CDS1: variants seen among roughly 807,000 people sequenced by gnomAD.
CDS1 encodes CDP-diacylglycerol synthase 1, also known as phosphatidate cytidylyltransferase 1.
A neutral mutation model predicts 62.1 loss-of-function variants in CDS1; 41 were observed. The observed-to-expected ratio is 0.66, with a 90% CI of 0.51 to 0.86. The LOEUF (loss-of-function observed/expected upper bound fraction) is 0.86. Among genes scored for constraint, CDS1 ranks in the 40% least tolerant of loss-of-function variants. CDS1 has a pLI of 0.00. For synonymous variants in CDS1, 185 were observed against 192.6 expected, an observed-to-expected ratio of 0.96 and a Z score of 0.32; for missense variants, 470 against 550.1, an observed-to-expected ratio of 0.85 and a Z score of 1.46.
intron 7 of CDS1, among the ~76,000 whole-genome samples, chr4:84,634,908 A>G (rs1724130578): frequency 6.6e-6 from 1 of 152,212 alleles, no homozygotes; most frequent in South Asian, 2.1e-4. Context: ...TCATTTTCAT[A>G]TTAAAAGGCT....
chr4:84,586,605 A>G (rs1722431127), intron 1 of CDS1, among the ~76,000 whole-genome samples: 1 of 152,128 alleles, frequency 6.6e-6, no homozygotes, highest in Non-Finnish European at 1.5e-5. Context: ...CTCGCAGACC[A>G]CTCACCTGCT....
intron 5 of CDS1, among the ~76,000 whole-genome samples, chr4:84,623,905 G>A (rs1408948021): frequency 6.6e-6 from 1 of 152,000 alleles, no homozygotes; most frequent in Non-Finnish European, 1.5e-5. Context: ...CCCTCCATGT[G>A]GCTTGGATGG....
chr4:84,648,176 T>C (rs1176491128), intron 12 of CDS1, among the ~76,000 whole-genome samples: 1 of 152,214 alleles, frequency 6.6e-6, no homozygotes, highest in African/African-American at 2.4e-5. Flanking sequence ...TCATGCCCTC[T>C]TTTTGGTTTG....
intron 5 of CDS1, among the ~76,000 whole-genome samples, chr4:84,620,975 G>A (rs181813901): frequency 1.9e-3 from 282 of 152,224 alleles, no homozygotes; most frequent in African/African-American, 6.4e-3. Flanking sequence ...CGGGAGAATC[G>A]CTTGAACCCG....
In CDS1 at chr4:84,619,044, TACACAC is replaced by T. The variant is rs33991933; in HGVS notation, c.441-313_441-308del. On this transcript the variant is annotated intron_variant, in intron 4 of 12. Coordinates refer to ENST00000295887, the MANE Select transcript of CDS1 (RefSeq NM_001263.4). ...ACATACACACAAAGTATTAAATTTA[TACACAC>T]ACACACACACACACACACACACACA... 9.5e-3 allele frequency among the ~76,000 whole-genome samples: 1,334 copies of T among 140,982 alleles called. 23 individuals carry two copies. The highest frequency in any genetic ancestry group is 0.029 in the African/African-American group (1,134 of 38,674). The allele number at this position is 140,982 out of a possible 152,430, so 92.5% of individuals were successfully genotyped here.
intron 8 of CDS1, among the ~76,000 whole-genome samples, chr4:84,638,228 T>C (rs1560482598): frequency 1.3e-5 from 2 of 152,186 alleles, no homozygotes; most frequent in Admixed American, 1.3e-4. Flanking sequence ...TTTCTTTCCA[T>C]GAATGGTCCA....
intron 3 of CDS1, among the ~76,000 whole-genome samples, chr4:84,614,418 A>C (rs1024063706): frequency 5.9e-5 from 9 of 152,198 alleles, no homozygotes; most frequent in African/African-American, 1.9e-4. Context: ...AGTTATTCAA[A>C]TCATTGTGTT....
In CDS1 at chr4:84,648,560, C is replaced by T; in HGVS notation, c.1260C>T (p.Gly420=). Residue 420 remains glycine, a synonymous_variant, in exon 13 of 13, where the codon GGC becomes GGT. Transcript: ENST00000295887. ...CTTCTTTGCCTTTTATCATTAGGGG[C>T]CCAAATCCCAGCAAAGTGCTACAGC... ...VHVYITSFIR[G]PNPSKVLQQL... is the part of the protein sequence containing the mutation. 1 of 1,612,624 alleles carries T rather than the reference C, an allele frequency of 6.2e-7. No individual in the cohort carries two copies. Among genetic ancestry groups the T allele is most frequent in the African/African-American group, 1.3e-5 (1 of 74,970 alleles).
chr4:84,618,239 T>C (rs903211286), intron 4 of CDS1, among the ~76,000 whole-genome samples: 11 of 152,214 alleles, frequency 7.2e-5, no homozygotes, highest in African/African-American at 2.4e-4. Context: ...ATATAGTTGA[T>C]AAATATCAAC....
chr4:84,642,276 A>C (rs1724409433), intron 10 of CDS1, among the ~76,000 whole-genome samples: 1 of 151,400 alleles, frequency 6.6e-6, no homozygotes, highest in Admixed American at 6.6e-5. Context: ...CGGTGAGCCG[A>C]GATTGCACCA....
chr4:84,608,237 G>A (rs994677123), intron 2 of CDS1, among the ~76,000 whole-genome samples: 2 of 152,198 alleles, frequency 1.3e-5, no homozygotes, highest in African/African-American at 2.4e-5. Context: ...GCAGTGGCGC[G>A]ATCTTGGCTC....
At chr4:84,629,381 G>A in intron 5 of CDS1, among the ~76,000 whole-genome samples, 1 of 150,988 alleles carries the variant, frequency 6.6e-6, no homozygotes, top group East Asian at 1.9e-4. Flanking sequence ...AACCACAATG[G>A]ATGGTTGTGT....
intron 1 of CDS1, among the ~76,000 whole-genome samples, chr4:84,588,948 G>A (rs1280881821): frequency 1.3e-5 from 2 of 152,166 alleles, no homozygotes; most frequent in Non-Finnish European, 1.5e-5. Context: ...GGGAAGAGCT[G>A]TTATCATTTA....
In CDS1 at chr4:84,648,783, A is replaced by G. The variant is rs373479471; in HGVS notation, c.*97A>G. ...GTACAGAAAAATAGTTAAAAATGCA[A>G]TAGGTTGAAGTTTTGGAGATATGTT... On this transcript the variant is annotated 3_prime_UTR_variant, in exon 13 of 13. Transcript: ENST00000295887. 67 of 1,239,834 alleles carry G rather than the reference A, an allele frequency of 5.4e-5. No individual in the cohort carries two copies. The highest frequency in any genetic ancestry group is 4.2e-4 in the African/African-American group (28 of 65,986). 76.8% of individuals were successfully genotyped at this position (1,239,834 alleles called of 1,614,324 possible).
At chr4:84,609,091 A>G (rs1045943626) in intron 2 of CDS1, among the ~76,000 whole-genome samples, 2 of 149,848 alleles carry the variant, frequency 1.3e-5, no homozygotes, top group African/African-American at 4.9e-5. Context: ...AGGCAGGAGA[A>G]TGGCGTGAAC....
At chr4:84,583,882 C>T (rs541980443) in intron 1 of CDS1, among the ~76,000 whole-genome samples, 3 of 152,180 alleles carry the variant, frequency 2.0e-5, no homozygotes, top group African/African-American at 4.8e-5. Context: ...TGCCACCTCA[C>T]CTCTCTTTTC....
intron 1 of CDS1, among the ~76,000 whole-genome samples, chr4:84,595,365 G>T (rs1722717641): frequency 6.6e-6 from 1 of 152,024 alleles, no homozygotes; most frequent in South Asian, 2.1e-4. Context: ...CAGTCAGCTG[G>T]GGGGGCTTGG....
intron 3 of CDS1, among the ~76,000 whole-genome samples, chr4:84,614,868 T>G (rs1278017324): frequency 6.6e-6 from 1 of 152,214 alleles, no homozygotes; most frequent in East Asian, 1.9e-4. Flanking sequence ...AGAAAGCCCA[T>G]TAGCACTAGT....
chr4:84,596,413 T>G (rs1004827265), intron 1 of CDS1, among the ~76,000 whole-genome samples: 1 of 152,162 alleles, frequency 6.6e-6, no homozygotes, highest in African/African-American at 2.4e-5. Context: ...TCTGTTTCCT[T>G]GCCTTTTCTA....
Sources: allele counts gnomAD v4.1 joint callset (sites outside exome capture counted in the v4.1 genomes callset), GRCh38; gene constraint gnomAD v4.1.1; transcripts MANE v1.5; gene names NCBI Gene and HGNC (gene_info 2026-07-23, HGNC 2026-07-21).